GMCL1: variants seen among roughly 807,000 people sequenced by gnomAD.
GMCL1 encodes germ cell-less 1, spermatogenesis associated.
Under a neutral mutation model 75.5 loss-of-function variants are expected in GMCL1, and 54 were observed. That is an observed-to-expected ratio of 0.71 (90% CI 0.57 to 0.90). The LOEUF (loss-of-function observed/expected upper bound fraction) is 0.90. Ranked by LOEUF, GMCL1 falls within the 40% of genes least tolerant of loss-of-function variation. The pLI is 0.00. For synonymous variants in GMCL1, 210 were observed against 209.6 expected (o/e 1.00, Z -0.02); for missense variants, 537 against 622.7 (o/e 0.86, Z 1.47).
intron 11 of GMCL1, 24 bp downstream of exon 11, chr2:69,864,999 A>C (rs959780601): frequency 1.0e-5 from 16 of 1,534,594 alleles, no homozygotes; most frequent in Non-Finnish European, 1.4e-5. Context: ...GTGACTGTTA[A>C]TATTCTTATA....
At chr2:69,833,937 G>T (rs1674744988) in intron 1 of GMCL1, among the ~76,000 whole-genome samples, 1 of 152,154 alleles carries the variant, frequency 6.6e-6, no homozygotes, top group Non-Finnish European at 1.5e-5. Context: ...GAAGAGTTAA[G>T]TAGTATGCTA....
At chr2:69,839,375 G>A (rs1306534020) in intron 2 of GMCL1, 82 bp from the exon 3 acceptor site, 2 of 788,206 alleles carry the variant, frequency 2.5e-6, no homozygotes, top group East Asian at 5.0e-5. Context: ...GGATAGAATA[G>A]TTGCTTAGAA....
chr2:69,837,629 C>G lies in GMCL1; in HGVS notation c.343C>G (p.Leu115Val). The G allele has an allele frequency of 6.2e-7, 1 of 1,606,056 alleles. No individual in the cohort carries two copies. Among genetic ancestry groups the G allele is most frequent in the Non-Finnish European group, 8.5e-7 (1 of 1,177,568 alleles). ...AAACAGTGACATTAAGATTTGTGCTCTAGGAGAAGAATGGAGCTTACACAA... is the reference window on the plus strand; with the variant it reads ...AAACAGTGACATTAAGATTTGTGCTGTAGGAGAAGAATGGAGCTTACACAA... ...GENSDIKICA[L>V]GEEWSLHKIY... is the part of the protein sequence containing the mutation. The change falls in exon 2 of 14, where the codon CTA becomes GTA. Residue 115 changes from leucine (L) to valine (V), a missense_variant. Transcript: ENST00000282570.
At position 69,869,795 on chromosome 2, in the gene GMCL1, A is replaced by C. The variant is rs764526082; in HGVS notation, c.1295A>C (p.Lys432Thr). ...TACACCAATCGATACATCATTTTCA[A>C]ACGCAATACACTGAATCAGCCATGT... ...VTYTNRYIIF[K>T]RNTLNQPCSG... The change falls in exon 12 of 14, where the codon AAA becomes ACA. Residue 432 changes from lysine (K) to threonine (T), a missense_variant. Coordinates refer to ENST00000282570, the MANE Select transcript of GMCL1 (RefSeq NM_178439.5). The C allele has an allele frequency of 6.2e-7, 1 of 1,614,042 alleles. No homozygotes were observed. The highest frequency in any genetic ancestry group is 2.2e-5 in the East Asian group (1 of 44,864).
At chr2:69,854,795 G>A (rs765331490) in intron 8 of GMCL1, 28 bp from the exon 9 acceptor site, 1 of 1,588,226 alleles carries the variant, frequency 6.3e-7, no homozygotes. Flanking sequence ...GAAAAGAATG[G>A]CTGTTTAACT....
intron 9 of GMCL1, 63 bp downstream of exon 9, chr2:69,855,023 TAGAAA>T (rs1675430459): frequency 8.0e-7 from 1 of 1,244,150 alleles, no homozygotes. Flanking sequence ...ATATAGATCA[TAGAAA>T]AGAACAAGGA....
chr2:69,858,138 A>G (rs572359110), intron 9 of GMCL1, among the ~76,000 whole-genome samples: 5 of 152,192 alleles, frequency 3.3e-5, no homozygotes, highest in South Asian at 4.1e-4. Context: ...GACGCTGTCA[A>G]ATACCACCTT....
chr2:69,874,798 A>G (rs1397146272), intron 13 of GMCL1, among the ~76,000 whole-genome samples: 3 of 150,782 alleles, frequency 2.0e-5, no homozygotes, highest in South Asian at 4.2e-4. Context: ...CTGGAGTGCA[A>G]TGGTACAATC....
At chr2:69,856,791 A>G (rs983291382) in intron 9 of GMCL1, among the ~76,000 whole-genome samples, 7 of 151,676 alleles carry the variant, frequency 4.6e-5, no homozygotes, top group African/African-American at 1.7e-4. Context: ...CCATTATTGC[A>G]TGCCATCTGA....
Position 69,871,785 on chromosome 2 carries a change from T to C in GMCL1, c.1405T>C (p.Cys469Arg), listed in dbSNP as rs754518854. The change falls in exon 13 of 14, where the codon TGT (cysteine) becomes CGT (arginine). Residue 469 changes from cysteine to arginine, a missense_variant. Cys to Arg is a radical substitution (Grantham distance 180). Transcript: ENST00000282570. ...ASFDSSGKLI[C>R]SRTTGYQILT... is the part of the protein sequence containing the mutation. ...TTTTGATAGTAGTGGAAAACTAATA[T>C]GTAGTAGAACAACTGGCTATCAAAT... The C allele has an allele frequency of 6.9e-6, 11 of 1,593,584 alleles. No homozygotes were observed. The highest frequency in any genetic ancestry group is 2.7e-5 in the African/African-American group (2 of 74,310).
At chr2:69,867,188 C>T (rs1675844136) in intron 11 of GMCL1, among the ~76,000 whole-genome samples, 1 of 151,892 alleles carries the variant, frequency 6.6e-6, no homozygotes, top group South Asian at 2.1e-4. Flanking sequence ...TCAAGTGGTC[C>T]TCCTACCTTG....
At chr2:69,838,033 C>T (rs1410222640) in intron 2 of GMCL1, among the ~76,000 whole-genome samples, 2 of 152,098 alleles carry the variant, frequency 1.3e-5, no homozygotes, top group South Asian at 2.1e-4. Context: ...ATAAACTCAT[C>T]TGAAATGTTG....
Position 69,830,146 on chromosome 2 carries a change from C to T in GMCL1, c.254C>T (p.Pro85Leu). Residue 85 changes from proline to leucine, a missense_variant, in exon 1 of 14, where the codon CCT (proline) becomes CTT (leucine). By Grantham distance (98) the Pro-to-Leu change is moderately conservative (BLOSUM62 -3). This residue lies in a region of GMCL1 where 144 missense variants were observed against 127.2 expected (regional missense o/e 1.13). Coordinates refer to ENST00000282570, the MANE Select transcript of GMCL1 (RefSeq NM_178439.5). ...GAGCAGCAGCGGCTCCTCAACACCC[C>T]TCGAAGGTACGTGGGGGCACGCACC... ...GDEQQRLLNT[P>L]RRKKLKSTSK... 1.5e-5 allele frequency: 23 copies of T among 1,562,332 alleles called. No homozygotes were observed. The highest frequency in any genetic ancestry group is 2.0e-5 in the Non-Finnish European group (23 of 1,153,136).
At chr2:69,867,229 A>G (rs1036443663) in intron 11 of GMCL1, among the ~76,000 whole-genome samples, 1 of 152,074 alleles carries the variant, frequency 6.6e-6, no homozygotes, top group Non-Finnish European at 1.5e-5. Flanking sequence ...TATAGGCATG[A>G]GCCACCACGT....
At chr2:69,830,318 G>T (rs1014694881) in intron 1 of GMCL1, among the ~76,000 whole-genome samples, 166 bp downstream of exon 1, 1 of 152,220 alleles carries the variant, frequency 6.6e-6, no homozygotes, top group Admixed American at 6.5e-5. Flanking sequence ...GGGCGGACTG[G>T]GGAGCGCCTT....
intron 9 of GMCL1, among the ~76,000 whole-genome samples, chr2:69,857,877 C>A (rs1216702697): frequency 6.6e-6 from 1 of 152,160 alleles, no homozygotes; most frequent in African/African-American, 2.4e-5. Context: ...ACACTTTTCC[C>A]TTCACTTAAA....
chr2:69,859,960 C>T (rs956413049), intron 9 of GMCL1, among the ~76,000 whole-genome samples: 2 of 151,742 alleles, frequency 1.3e-5, no homozygotes, highest in Non-Finnish European at 2.9e-5. Flanking sequence ...TGGGAATAAA[C>T]AAGAGCAGAA....
intron 13 of GMCL1, 23 bp from the exon 14 acceptor site, chr2:69,878,886 G>C (rs1015437): frequency 8.0e-6 from 12 of 1,495,432 alleles, no homozygotes; most frequent in Non-Finnish European, 1.1e-5. Context: ...AATTGTCATT[G>C]AATCTACAAA....
Position 69,841,036 on chromosome 2 carries a change from G to A in GMCL1, c.576G>A (p.Gln192=), listed in dbSNP as rs1558538451. ...TTTTGGCAGCAGCTTGTTTGCTGCA[G>A]TTGGTAAGTATGCACGTTATTCGAA... ...VAILAAACLL[Q]LDGLIQQCGE... is the part of the protein sequence containing the mutation. The change falls in exon 4 of 14, where the codon CAG becomes CAA. Residue 192 remains glutamine (Q), a synonymous_variant. Transcript: ENST00000282570. The A allele has an allele frequency of 6.2e-7, 1 of 1,610,374 alleles. No homozygotes were observed. Among genetic ancestry groups the A allele is most frequent in the South Asian group, 1.1e-5 (1 of 90,974 alleles).
Sources: gnomAD v4.1 joint callset for allele counts (sites outside exome capture counted in the v4.1 genomes callset) on GRCh38, gnomAD v4.1.1 for gene constraint, gnomAD v4.1.1 regional missense constraint, MANE v1.5 for transcripts, NCBI Gene and HGNC (gene_info 2026-07-23, HGNC 2026-07-21) for gene names.